The following PDE4B variants were observed in gnomAD, a reference collection of about 807,000 sequenced individuals.
The protein encoded by PDE4B is phosphodiesterase 4B, also known as 3',5'-cyclic-AMP phosphodiesterase 4B.
A neutral mutation model predicts 82.2 loss-of-function variants in PDE4B; 20 were observed. That is an observed-to-expected ratio of 0.24 (90% CI 0.17 to 0.35). The LOEUF (loss-of-function observed/expected upper bound fraction) is 0.35, where lower values mean the gene tolerates loss of function less well. Ranked by LOEUF, PDE4B falls within the 10% of genes least tolerant of loss-of-function variation. The pLI is 1.00. For synonymous variants in PDE4B, 320 were observed against 318.9 expected (o/e 1.00, Z -0.04); for missense variants, 655 against 907.2 (o/e 0.72, Z 3.57).
intron 1 of PDE4B, among the ~76,000 whole-genome samples, chr1:65,807,869 G>C (rs1645774704): frequency 6.6e-6 from 1 of 152,224 alleles, no homozygotes; most frequent in African/African-American, 2.4e-5. Flanking sequence ...GAAAGGAGTA[G>C]TTACTGCTTT....
At chr1:66,123,391 A>G (rs1047684749) in intron 3 of PDE4B, among the ~76,000 whole-genome samples, 1 of 152,134 alleles carries the variant, frequency 6.6e-6, no homozygotes, top group Non-Finnish European at 1.5e-5. Flanking sequence ...TTTCATCGGC[A>G]CTTTCAGATT....
intron 3 of PDE4B, among the ~76,000 whole-genome samples, chr1:65,935,625 T>A (rs996822029): frequency 3.3e-5 from 5 of 152,224 alleles, no homozygotes; most frequent in Non-Finnish European, 7.3e-5. Context: ...ACTTCTTAAC[T>A]TTTTATGATA....
At chr1:66,152,014 T>A (rs1460497240) in intron 3 of PDE4B, among the ~76,000 whole-genome samples, 1 of 152,178 alleles carries the variant, frequency 6.6e-6, no homozygotes, top group East Asian at 1.9e-4. Context: ...CATTTTGAAC[T>A]CTTCAGTAAA....
At chr1:65,927,463 T>A (rs935400844) in intron 3 of PDE4B, among the ~76,000 whole-genome samples, 13 of 147,540 alleles carry the variant, frequency 8.8e-5, no homozygotes, top group African/African-American at 3.0e-4. Context: ...ATGTATTATA[T>A]ATATAATATA....
intron 3 of PDE4B, among the ~76,000 whole-genome samples, chr1:66,074,649 C>T (rs901647971): frequency 6.6e-6 from 1 of 152,066 alleles, no homozygotes; most frequent in Non-Finnish European, 1.5e-5. Flanking sequence ...CCCCCTCCCC[C>T]AGTCCTTGGC....
Position 66,308,760 on chromosome 1 carries a change from T to C in PDE4B, c.635-23748T>C, listed in dbSNP as rs554867597. ...TTCTAATGAGAAAAGAGTCCCATTATGTGAGGCCCATAAACAAAAGATTAT... is the reference window on the plus strand; with the variant it reads ...TTCTAATGAGAAAAGAGTCCCATTACGTGAGGCCCATAAACAAAAGATTAT... On this transcript the variant is annotated intron_variant, in intron 7 of 16. Transcript: ENST00000341517. Among the ~76,000 whole-genome samples the C allele has an allele frequency of 1.1e-4, 16 of 152,304 alleles. No homozygotes were observed. The South Asian group carries it at 3.1e-3, about 30-fold the overall frequency.
chr1:65,832,662 G>A (rs1646095782), intron 1 of PDE4B, among the ~76,000 whole-genome samples: 1 of 152,206 alleles, frequency 6.6e-6, no homozygotes, highest in Non-Finnish European at 1.5e-5. Context: ...ACTTGGGAAA[G>A]TATAATTGGT....
chr1:66,319,031 T>C (rs889846157), intron 7 of PDE4B, among the ~76,000 whole-genome samples: 2 of 152,226 alleles, frequency 1.3e-5, no homozygotes, highest in African/African-American at 4.8e-5. Flanking sequence ...TCAGTAAACT[T>C]GAAAGCGCAT....
chr1:66,139,241 T>C (rs1026479353), intron 3 of PDE4B, among the ~76,000 whole-genome samples: 1 of 152,132 alleles, frequency 6.6e-6, no homozygotes, highest in African/African-American at 2.4e-5. Context: ...TTTCTGGAGG[T>C]TCTAAGGATG....
chr1:66,203,191 C>A (rs540675925), intron 3 of PDE4B, among the ~76,000 whole-genome samples: 1 of 152,226 alleles, frequency 6.6e-6, no homozygotes, highest in Admixed American at 6.5e-5. Flanking sequence ...TGTCTTCTGG[C>A]TTGTAGAGTT....
At chr1:66,022,261 C>G (rs112805639) in intron 3 of PDE4B, among the ~76,000 whole-genome samples, 1 of 152,240 alleles carries the variant, frequency 6.6e-6, no homozygotes, top group East Asian at 1.9e-4. Flanking sequence ...CAAACAGGGA[C>G]AATTTGACTT....
At chr1:66,068,732 A>G (rs1022815228) in intron 3 of PDE4B, among the ~76,000 whole-genome samples, 2 of 152,042 alleles carry the variant, frequency 1.3e-5, no homozygotes, top group Non-Finnish European at 2.9e-5. Flanking sequence ...AATGGGATAT[A>G]GAATATAATG....
At chr1:65,958,236 A>G (rs1649357197) in intron 3 of PDE4B, among the ~76,000 whole-genome samples, 1 of 152,084 alleles carries the variant, frequency 6.6e-6, no homozygotes, top group Non-Finnish European at 1.5e-5. Flanking sequence ...GCACTTATTG[A>G]GATGGTTTTT....
At chr1:66,265,809 TCTGAGCATC>T (rs1171191109) in intron 6 of PDE4B, among the ~76,000 whole-genome samples, 19 of 151,864 alleles carry the variant, frequency 1.3e-4, no homozygotes, top group African/African-American at 4.6e-4. Context: ...TCCTGGAGAG[TCTGAGCATC>T]CTGAGGACTT....
intron 7 of PDE4B, among the ~76,000 whole-genome samples, chr1:66,327,270 G>GA (rs1008516075): frequency 3.3e-5 from 5 of 151,712 alleles, no homozygotes; most frequent in African/African-American, 1.2e-4. Context: ...CATTGAAACA[G>GA]AAAAAAAATA....
At chr1:66,080,802 G>A (rs1656683732) in intron 3 of PDE4B, among the ~76,000 whole-genome samples, 1 of 152,264 alleles carries the variant, frequency 6.6e-6, no homozygotes, top group East Asian at 1.9e-4. Context: ...GATTGTCACA[G>A]AGGTATATTG....
intron 3 of PDE4B, among the ~76,000 whole-genome samples, chr1:66,087,864 GTT>G (rs2100981337): frequency 8.9e-6 from 1 of 112,942 alleles, no homozygotes; most frequent in Admixed American, 1.2e-4. Context: ...TCTGGGGACT[GTT>G]GTGGGGTGGG....
rs572411737 is a variant in PDE4B, at chr1:66,147,879, A to T, written c.282-99581A>T. ...GGCACTAATTATTTGGAACGTACCC[A>T]AGTAAACCCTACCAAGTCTTGCAAA... On this transcript the variant is annotated intron_variant, in intron 3 of 16. Coordinates refer to ENST00000341517, the MANE Select transcript of PDE4B (RefSeq NM_002600.4). Among the ~76,000 whole-genome samples, 9 of 152,358 alleles carry T rather than the reference A, an allele frequency of 5.9e-5. No homozygotes were observed. The South Asian group carries it at 1.7e-3, about 28-fold the overall frequency.
intron 3 of PDE4B, among the ~76,000 whole-genome samples, chr1:66,232,671 C>T (rs1420653413): frequency 6.6e-6 from 1 of 152,182 alleles, no homozygotes; most frequent in Non-Finnish European, 1.5e-5. Flanking sequence ...CAGGACAAGA[C>T]ATACCTTGAA....
Sources: gnomAD v4.1 joint callset for allele counts (sites outside exome capture counted in the v4.1 genomes callset) on GRCh38, gnomAD v4.1.1 for gene constraint, MANE v1.5 for transcripts, NCBI Gene and HGNC (gene_info 2026-07-23, HGNC 2026-07-21) for gene names.